The following GPHN variants were observed in gnomAD, a reference collection of about 807,000 sequenced individuals.
GPHN encodes gephyrin.
GPHN carries 17 observed loss-of-function variants against 95.5 expected under a neutral mutation model. The observed-to-expected ratio is 0.18, with a 90% CI of 0.12 to 0.27. The LOEUF (loss-of-function observed/expected upper bound fraction) is 0.27. GPHN is among the 10% of genes least tolerant of loss of function. GPHN has a pLI of 1.00. For missense variants in GPHN, 660 were observed against 978.1 expected (o/e 0.67, Z 4.34); for synonymous variants, 320 against 322.5 (o/e 0.99, Z 0.08).
At chr14:67,058,368 CATT>C (rs1313904697) in intron 10 of GPHN, among the ~76,000 whole-genome samples, 1 of 152,158 alleles carries the variant, frequency 6.6e-6, no homozygotes, top group Non-Finnish European at 1.5e-5. Context: ...ATGACAATGT[CATT>C]AGTCTTAGAA....
chr14:67,551,940 C>G, the GPHN span, among the ~76,000 whole-genome samples: 1 of 152,098 alleles, frequency 6.6e-6, no homozygotes, highest in Admixed American at 6.5e-5. Context: ...TGGTGTGGCT[C>G]TTGGCTCAGG....
At chr14:67,023,171 G>A (rs576397881) in intron 9 of GPHN, among the ~76,000 whole-genome samples, 91 of 151,948 alleles carry the variant, frequency 6.0e-4, no homozygotes, top group Admixed American at 3.8e-3. Context: ...GTTATATAAG[G>A]ATTTCTCTAT....
the GPHN span, among the ~76,000 whole-genome samples, chr14:67,508,739 G>A: frequency 3.1e-5 from 1 of 31,804 alleles, no homozygotes; most frequent in African/African-American, 6.5e-5. Flanking sequence ...GGGTGACAGA[G>A]CAAAACCTTG....
the GPHN span, among the ~76,000 whole-genome samples, chr14:67,655,674 G>A: frequency 1.3e-5 from 2 of 152,110 alleles, no homozygotes; most frequent in African/African-American, 2.4e-5. Context: ...AGCAGATGAT[G>A]TTTTCGTAAG....
chr14:67,387,461 G>A, the GPHN span: 2 of 1,597,018 alleles, frequency 1.3e-6, no homozygotes, highest in Non-Finnish European at 1.7e-6. Flanking sequence ...TAACCCCTAG[G>A]CAGAAAAAAG....
rs2061263845 is a variant in GPHN at position 66,583,096 on chromosome 14, A to G, written c.64+74505A>G. On this transcript the variant is annotated intron_variant, in intron 1 of 22. Transcript: ENST00000478722. ...GCCATTCTAACTGGTGTGAGATGGT[A>G]TCTCATTGTGGTTTTGATTTGCATT... 2.0e-5 allele frequency among the ~76,000 whole-genome samples: 3 copies of G among 151,716 alleles called. No individual in the cohort carries two copies. The South Asian group carries it at 6.2e-4, about 32-fold the overall frequency.
chr14:66,886,205 GC>G (rs1169417447), intron 5 of GPHN, among the ~76,000 whole-genome samples: 3 of 152,038 alleles, frequency 2.0e-5, no homozygotes, highest in African/African-American at 7.2e-5. Context: ...ATCTTTTAAG[GC>G]CATGATGGGA....
chr14:67,597,525 C>G, the GPHN span, among the ~76,000 whole-genome samples: 4 of 151,740 alleles, frequency 2.6e-5, no homozygotes, highest in South Asian at 6.2e-4. Flanking sequence ...GTTTGCTTAT[C>G]TCTGTGCTAG....
rs747643786 is a variant in GPHN at position 66,710,913 on chromosome 14, G to C, written c.143+29728G>C. 3.9e-5 allele frequency among the ~76,000 whole-genome samples: 6 copies of C among 152,132 alleles called. No individual in the cohort carries two copies. In the South Asian group the frequency reaches 1.2e-3, roughly 32 times the overall value. On this transcript the variant is annotated intron_variant, in intron 2 of 22. Transcript: ENST00000478722. ...TGATAAGTGGAAAGGACTAATAGAT[G>C]TTAGCTATAAATCATTATTTTCATA...
chr14:67,586,157 AGAAAG>A, the GPHN span: 1 of 1,584,578 alleles, frequency 6.3e-7, no homozygotes, highest in Non-Finnish European at 8.6e-7. Context: ...CTTGGAGCTT[AGAAAG>A]GAAACTGGGG....
At chr14:66,646,570 A>T (rs2064756725) in intron 1 of GPHN, among the ~76,000 whole-genome samples, 1 of 152,154 alleles carries the variant, frequency 6.6e-6, no homozygotes, top group African/African-American at 2.4e-5. Flanking sequence ...TATATATATA[A>T]AATAGATAAA....
chr14:67,645,151 A>G, the GPHN span, among the ~76,000 whole-genome samples: 3 of 151,802 alleles, frequency 2.0e-5, no homozygotes, highest in South Asian at 2.1e-4. Flanking sequence ...GTCGTTACCT[A>G]TAGACTGTAC....
At chr14:67,614,842 G>A in the GPHN span, 1 of 140,742 alleles carries the variant, frequency 7.1e-6, no homozygotes, top group Non-Finnish European at 1.5e-5. Flanking sequence ...TTATGTCCTT[G>A]AGGTTTTTTT....
chr14:67,481,400 G>A, the GPHN span, among the ~76,000 whole-genome samples: 2 of 152,186 alleles, frequency 1.3e-5, no homozygotes, highest in African/African-American at 2.4e-5. Context: ...GTAGATGGAG[G>A]GGAAGCACAC....
intron 3 of GPHN, among the ~76,000 whole-genome samples, chr14:66,819,440 G>A (rs1187626482): frequency 6.6e-6 from 1 of 151,874 alleles, no homozygotes; most frequent in Non-Finnish European, 1.5e-5. Flanking sequence ...GCTTGTTTTT[G>A]TCAGCTTTGT....
rs1279087374 is a variant in GPHN at position 67,154,453 on chromosome 14, ATCTTTGTGTCAGGGACTATG to A, written c.1837-4956_1837-4937del. ...TCTCTCCAGTAAAATGTAACAGGAT[ATCTTTGTGTCAGGGACTATG>A]TCTTTCTTCTGTACCATGAAATGCG... On this transcript the variant is annotated intron_variant, in intron 18 of 22. Coordinates refer to ENST00000478722, the MANE Select transcript of GPHN (RefSeq NM_020806.5). Among the ~76,000 whole-genome samples, 3 of 152,204 alleles carry A rather than the reference ATCTTTGTGTCAGGGACTATG, an allele frequency of 2.0e-5. No homozygotes were observed. The East Asian group carries it at 5.8e-4, about 29-fold the overall frequency.
intron 9 of GPHN, chr14:66,969,929 A>T (rs2069631202): frequency 6.6e-6 from 1 of 152,082 alleles, no homozygotes; most frequent in Admixed American, 6.6e-5. Flanking sequence ...TGTTATTAAA[A>T]TGAAGAATAT....
At chr14:67,199,704 C>T in the GPHN span, 2 of 1,582,416 alleles carry the variant, frequency 1.3e-6, no homozygotes, top group South Asian at 2.2e-5. Context: ...GCAGATGCAC[C>T]TCCTTCACCC....
the GPHN span, among the ~76,000 whole-genome samples, chr14:67,422,992 C>T: frequency 1.3e-5 from 2 of 151,806 alleles, no homozygotes; most frequent in African/African-American, 2.4e-5. Context: ...CCACCATGCC[C>T]GGCTAATTTT....
Sources: allele counts gnomAD v4.1 joint callset (sites outside exome capture counted in the v4.1 genomes callset), GRCh38; gene constraint gnomAD v4.1.1; transcripts MANE v1.5; gene names NCBI Gene and HGNC (gene_info 2026-07-23, HGNC 2026-07-21).